PCDHA1: variants seen among roughly 807,000 people sequenced by gnomAD.
PCDHA1 encodes the protein protocadherin alpha 1.
A neutral mutation model predicts 61.3 loss-of-function variants in PCDHA1; 42 were observed. The observed-to-expected ratio is 0.69, with a 90% confidence interval of 0.54 to 0.89. The LOEUF (loss-of-function observed/expected upper bound fraction) is 0.89. Among genes scored for constraint, PCDHA1 ranks in the 40% least tolerant of loss-of-function variants. The probability of loss-of-function intolerance (pLI) is 0.00; values close to 1 mark genes in which losing one functional copy is unlikely to be tolerated. For missense variants in PCDHA1, 1,256 were observed against 1,235.3 expected (o/e 1.02, Z -0.25); for synonymous variants, 610 against 553.8 (o/e 1.10, Z -1.43).
At chr5:140,836,479 A>G (rs782130761) in intron 1 of PCDHA1, 4 of 1,613,680 alleles carry the variant, frequency 2.5e-6, no homozygotes, top group Admixed American at 1.7e-5. Flanking sequence ...GTCAACGTGT[A>G]CCTGATCATC....
At position 140,802,244 on chromosome 5, in the gene PCDHA1, G is replaced by A. The variant is rs782339533; in HGVS notation, c.2394+13560G>A. 2.5e-6 allele frequency: 4 copies of A among 1,614,238 alleles called. No homozygotes were observed. In the East Asian group the frequency reaches 8.9e-5, roughly 36 times the overall value. On this transcript the variant is annotated intron_variant, in intron 1 of 3. Coordinates refer to ENST00000504120, the MANE Select transcript of PCDHA1 (RefSeq NM_018900.4). ...TGGACATCAATGATAATGTACCTGA[G>A]TTAGTTATTCAATCACTATCTTTAC...
chr5:140,837,248 CTTTT>C (rs1379591542), intron 1 of PCDHA1: 2 of 152,172 alleles, frequency 1.3e-5, no homozygotes, highest in African/African-American at 2.4e-5. Flanking sequence ...TATTTATCTT[CTTTT>C]TATCATATTT....
chr5:140,851,140 G>C, intron 1 of PCDHA1: 1 of 1,310,362 alleles, frequency 7.6e-7, no homozygotes, highest in Non-Finnish European at 9.9e-7. Flanking sequence ...TGATTAAAGT[G>C]ACATTGAATT....
intron 1 of PCDHA1, chr5:140,877,040 T>C (rs1252847205): frequency 5.0e-6 from 8 of 1,612,450 alleles, no homozygotes; most frequent in Non-Finnish European, 5.1e-6. Context: ...CTGCAGCCGC[T>C]AGACCACGAG....
At chr5:140,967,306 C>G (rs1554229415) in intron 1 of PCDHA1, 2 of 1,612,350 alleles carry the variant, frequency 1.2e-6, no homozygotes, top group African/African-American at 2.7e-5. Flanking sequence ...TGGGCGCCAA[C>G]TCAGTACAGA....
chr5:140,893,795 C>T (rs1030354295), intron 1 of PCDHA1, among the ~76,000 whole-genome samples: 34 of 152,002 alleles, frequency 2.2e-4, no homozygotes, highest in African/African-American at 7.7e-4. Context: ...TTAGAATTCC[C>T]TCCTTGTCTT....
chr5:140,869,392 G>T, intron 1 of PCDHA1: 1 of 1,614,164 alleles, frequency 6.2e-7, no homozygotes, highest in Non-Finnish European at 8.5e-7. Flanking sequence ...GGAGCTGTGC[G>T]GGCAGAGCGC....
At chr5:140,943,846 A>C (rs1209903373) in intron 1 of PCDHA1, among the ~76,000 whole-genome samples, 1 of 152,242 alleles carries the variant, frequency 6.6e-6, no homozygotes, top group African/African-American at 2.4e-5. Context: ...GTAAGATGTC[A>C]CAGAAGTCAA....
In PCDHA1 at chr5:140,786,860, A is replaced by C. The variant is rs782368008; in HGVS notation, c.570A>C (p.Lys190Asn). 39 of 1,614,048 alleles carry C rather than the reference A, an allele frequency of 2.4e-5. No individual in the cohort carries two copies. Among genetic ancestry groups the C allele is most frequent in the Non-Finnish European group, 3.2e-5 (38 of 1,180,040 alleles). The change falls in exon 1 of 4, where the codon AAA becomes AAC. Residue 190 changes from lysine (K) to asparagine (N), a missense_variant. By Grantham distance (94) the Lys-to-Asn change is moderately conservative. Coordinates refer to ENST00000504120, the MANE Select transcript of PCDHA1 (RefSeq NM_018900.4). The part of the protein sequence containing the change: ...LDVEASDELS[K>N]SLWLELRKYL... ...TAGAGGCAAGTGATGAACTGAGTAA[A>C]TCTCTTTGGCTTGAATTGAGAAAAT... is the stretch of plus-strand genomic sequence containing the variant.
chr5:140,822,816 A>C, intron 1 of PCDHA1: 1 of 1,614,198 alleles, frequency 6.2e-7, no homozygotes, highest in Non-Finnish European at 8.5e-7. Context: ...ATAATACCCC[A>C]GAGATGGCCA....
chr5:140,853,419 G>A lies in PCDHA1; in HGVS notation c.2394+64735G>A, dbSNP rs2150531537. The A allele has an allele frequency of 1.0e-5, 10 of 986,026 alleles. No individual in the cohort carries two copies. The East Asian group carries it at 1.1e-3, about 112-fold the overall frequency. 61.1% of individuals were successfully genotyped at this position (986,026 alleles called of 1,614,324 possible). On this transcript the variant is annotated intron_variant, in intron 1 of 3. Coordinates refer to ENST00000504120, the MANE Select transcript of PCDHA1 (RefSeq NM_018900.4). ...AGTTCAAAACAGAGAGGTGAAAGCA[G>A]AAGAGACACTTTCCTATTTTGCCTA... is the stretch of plus-strand genomic sequence containing the variant.
intron 1 of PCDHA1, among the ~76,000 whole-genome samples, chr5:140,952,351 A>G (rs1217158530): frequency 8.3e-6 from 1 of 120,612 alleles, no homozygotes; most frequent in Non-Finnish European, 1.8e-5. Flanking sequence ...AAAAAAAAAA[A>G]AAAGAAAGAA....
intron 1 of PCDHA1, chr5:140,843,145 G>A (rs2150353812): frequency 1.3e-6 from 2 of 1,596,072 alleles, no homozygotes; most frequent in South Asian, 1.1e-5. Flanking sequence ...CGTGGCTTTC[G>A]TATGAGCTGC....
chr5:140,869,219 C>A (rs543814850), intron 1 of PCDHA1: 1 of 1,613,836 alleles, frequency 6.2e-7, no homozygotes, highest in African/African-American at 1.3e-5. Context: ...TCGGAGGAGG[C>A]CAAACACGGC....
intron 1 of PCDHA1, chr5:140,929,069 G>A (rs1554206647): frequency 1.2e-6 from 2 of 1,614,192 alleles, no homozygotes; most frequent in Non-Finnish European, 8.5e-7. Context: ...GAGGATCTGA[G>A]GTATGGAAGT....
At chr5:140,809,080 C>T in intron 1 of PCDHA1, 2 of 1,613,954 alleles carry the variant, frequency 1.2e-6, no homozygotes, top group Admixed American at 1.7e-5. Flanking sequence ...CTGGCGAGAT[C>T]AGCACAACGC....
In PCDHA1 at chr5:140,787,484, GTCC is replaced by G; in HGVS notation, c.1195_1197del (p.Ser399del). The G allele has an allele frequency of 6.2e-7, 1 of 1,614,210 alleles. No individual in the cohort carries two copies. The highest frequency in any genetic ancestry group is 8.5e-7 in the Non-Finnish European group (1 of 1,180,032). On this transcript the variant is annotated inframe_deletion, in exon 1 of 4. Coordinates refer to ENST00000504120, the MANE Select transcript of PCDHA1 (RefSeq NM_018900.4). ...TGCCCCACGTCCCCTTCAAGCTGGT[GTCC>G]ACCTTCAAGAATTACTACTCGTTGG... is the stretch of plus-strand genomic sequence containing the variant.
chr5:140,927,460 G>A, intron 1 of PCDHA1: 2 of 1,614,148 alleles, frequency 1.2e-6, no homozygotes, highest in South Asian at 1.1e-5. Context: ...GTTGGAGAAA[G>A]CACTGGATCG....
At chr5:140,807,350 G>A (rs1279167584) in intron 1 of PCDHA1, 1 of 1,612,304 alleles carries the variant, frequency 6.2e-7, no homozygotes. Context: ...CCTGGGACTG[G>A]AGCTGGCGGA....
Sources: allele counts gnomAD v4.1 joint callset (sites outside exome capture counted in the v4.1 genomes callset), GRCh38; gene constraint gnomAD v4.1.1; transcripts MANE v1.5; gene names NCBI Gene and HGNC (gene_info 2026-07-23, HGNC 2026-07-21).